Variants in SNRK observed in about 807,000 individuals in gnomAD.
SNRK encodes SNF related kinase.
Under a neutral mutation model 48.2 loss-of-function variants are expected in SNRK, and 3 were observed. That is an observed-to-expected ratio of 0.06 (90% CI 0.03 to 0.16). The LOEUF (loss-of-function observed/expected upper bound fraction) is 0.16. Ranked by LOEUF, SNRK falls within the 10% of genes least tolerant of loss-of-function variation. SNRK has a pLI of 1.00. For synonymous variants in SNRK, 376 were observed against 366.1 expected, an observed-to-expected ratio of 1.03 and a Z score of -0.31; for missense variants, 627 against 976.0, an observed-to-expected ratio of 0.64 and a Z score of 4.76.
chr3:43,347,427 T>TCTC lies in SNRK; in HGVS notation c.1171_1173dup (p.Pro391dup). 1 of 1,613,946 alleles carries TCTC rather than the reference T, an allele frequency of 6.2e-7. No individual in the cohort carries two copies. The highest frequency in any genetic ancestry group is 2.2e-5 in the East Asian group (1 of 44,872). ...TTTGTCCCACGCGACTGTCCCTCAG[T>TCTC]CTCCTGCTCGGGCTGCTGACAGTGT... is the stretch of plus-strand genomic sequence containing the variant. On this transcript the variant is annotated inframe_insertion, in exon 7 of 7. Transcript: ENST00000296088. The surrounding 1 kb of genome is among the most constrained non-coding windows in gnomAD (Gnocchi z 5.4).
chr3:43,339,764 C>A (rs1161074353), intron 4 of SNRK, among the ~76,000 whole-genome samples: 1 of 136,166 alleles, frequency 7.3e-6, no homozygotes, highest in East Asian at 2.3e-4. Flanking sequence ...TGCAGTGAGC[C>A]AAGGTTGCAC....
chr3:43,292,531 A>G (rs868515960), intron 1 of SNRK, among the ~76,000 whole-genome samples: 1 of 152,242 alleles, frequency 6.6e-6, no homozygotes, highest in South Asian at 2.1e-4. Context: ...ATGATGAGCC[A>G]GTAGGTATTC....
At chr3:43,331,992 T>C (rs922604997) in intron 3 of SNRK, among the ~76,000 whole-genome samples, 177 bp from the exon 4 acceptor site, 6 of 152,224 alleles carry the variant, frequency 3.9e-5, no homozygotes, top group Non-Finnish European at 8.8e-5. Context: ...TGTAAAAACA[T>C]TGAAGAAGAT....
intron 1 of SNRK, among the ~76,000 whole-genome samples, chr3:43,288,165 A>G (rs1008761999): frequency 1.3e-5 from 2 of 152,132 alleles, no homozygotes; most frequent in Non-Finnish European, 2.9e-5. Context: ...AGTCAGGTGC[A>G]CAGTGCTAAC....
chr3:43,310,154 A>C (rs1027388735), intron 3 of SNRK, among the ~76,000 whole-genome samples: 2 of 152,102 alleles, frequency 1.3e-5, no homozygotes, highest in South Asian at 4.1e-4. Flanking sequence ...TAATCTATGA[A>C]TCAGTCTTTG....
chr3:43,306,002 T>C (rs1475441969), intron 3 of SNRK, among the ~76,000 whole-genome samples: 5 of 152,138 alleles, frequency 3.3e-5, no homozygotes, highest in Non-Finnish European at 2.9e-5. Flanking sequence ...ATGTTCCTTT[T>C]TCTTCCCCCC....
intron 2 of SNRK, among the ~76,000 whole-genome samples, chr3:43,301,502 C>T (rs1005022553): frequency 1.1e-4 from 16 of 152,012 alleles, no homozygotes; most frequent in Non-Finnish European, 1.8e-4. Flanking sequence ...ACGGTGGCTC[C>T]AGCCTGTAAT....
chr3:43,300,426 A>C (rs964174030), intron 2 of SNRK, among the ~76,000 whole-genome samples: 1 of 152,184 alleles, frequency 6.6e-6, no homozygotes, highest in African/African-American at 2.4e-5. Flanking sequence ...GAACACATCT[A>C]AACTAAAATG....
intron 3 of SNRK, among the ~76,000 whole-genome samples, chr3:43,328,155 T>C (rs1419801355): frequency 1.3e-5 from 2 of 152,122 alleles, no homozygotes; most frequent in Non-Finnish European, 2.9e-5. Flanking sequence ...CATTAACATT[T>C]TTTGGAAATG....
At chr3:43,339,845 A>ATG (rs2091220821) in intron 4 of SNRK, among the ~76,000 whole-genome samples, 1 of 69,414 alleles carries the variant, frequency 1.4e-5, no homozygotes, top group Non-Finnish European at 2.6e-5. Flanking sequence ...ATATATATAT[A>ATG]TATATATATA....
rs780778461 is a variant in SNRK, at chr3:43,303,317, G to T, written c.114G>T (p.Thr38=). The T allele has an allele frequency of 1.2e-6, 2 of 1,614,008 alleles. No homozygotes were observed. Among genetic ancestry groups the T allele is most frequent in the Middle Eastern group, 1.6e-4 (1 of 6,084 alleles). The change falls in exon 3 of 7, where the codon ACG becomes ACT. Residue 38 remains threonine, a synonymous_variant. Transcript: ENST00000296088. This position sits in a 1 kb window ranked among gnomAD's most constrained non-coding sequence, Gnocchi z 6.2. ...TTAAACTTGCCAGGCATGTCTTTAC[G>T]GGTGAAAAGGTGGCAGTAAAAGTTA... ...AVVKLARHVF[T]GEKVAVKVID...
intron 1 of SNRK, among the ~76,000 whole-genome samples, chr3:43,290,495 C>T (rs2090802948): frequency 6.6e-6 from 1 of 152,214 alleles, no homozygotes; most frequent in Admixed American, 6.5e-5. Context: ...TGCTTAGCCT[C>T]CTGTGCATTG....
chr3:43,342,172 A>T (rs2091242797), intron 5 of SNRK, among the ~76,000 whole-genome samples: 1 of 152,248 alleles, frequency 6.6e-6, no homozygotes, highest in Admixed American at 6.5e-5. Flanking sequence ...AAATTCAATT[A>T]TAAATCCAAA....
Position 43,347,750 on chromosome 3 carries a change from T to C in SNRK, c.1491T>C (p.Asp497=), listed in dbSNP as rs188648899. 1.4e-5 allele frequency: 23 copies of C among 1,614,044 alleles called. No homozygotes were observed. The East Asian group carries it at 4.2e-4, about 30-fold the overall frequency. The change falls in exon 7 of 7, where the codon GAT becomes GAC. Residue 497 remains aspartate, a synonymous_variant. Transcript: ENST00000296088. This position sits in a 1 kb window ranked among gnomAD's most constrained non-coding sequence, Gnocchi z 5.4. ...TCTTTGAGGAAGGGGAATCTGACGA[T>C]GAGTTTGACATGGATGAGAATCTGC... The part of the protein sequence containing the change: ...NQIFEEGESD[D]EFDMDENLPP...
chr3:43,331,737 T>G (rs1278183588), intron 3 of SNRK, among the ~76,000 whole-genome samples: 1 of 152,168 alleles, frequency 6.6e-6, no homozygotes, highest in Non-Finnish European at 1.5e-5. Context: ...GTTACCTCAC[T>G]AGCGTTGAGG....
chr3:43,313,905 A>G (rs917934842), intron 3 of SNRK, among the ~76,000 whole-genome samples: 2 of 152,216 alleles, frequency 1.3e-5, no homozygotes, highest in African/African-American at 4.8e-5. Flanking sequence ...CTGGAAGGCA[A>G]GTATCCCAGT....
intron 1 of SNRK, among the ~76,000 whole-genome samples, chr3:43,298,540 G>T (rs745564409): frequency 1.3e-5 from 2 of 152,080 alleles, no homozygotes; most frequent in Non-Finnish European, 2.9e-5. Flanking sequence ...CATATCCAGA[G>T]GTCAACCACC....
At chr3:43,295,991 G>A (rs1259960267) in intron 1 of SNRK, among the ~76,000 whole-genome samples, 3 of 152,040 alleles carry the variant, frequency 2.0e-5, no homozygotes, top group African/African-American at 4.8e-5. Flanking sequence ...TATCCGCTTT[G>A]GCCTCCCAAA....
At chr3:43,294,184 G>A (rs759587456) in intron 1 of SNRK, among the ~76,000 whole-genome samples, 1 of 152,082 alleles carries the variant, frequency 6.6e-6, no homozygotes, top group Admixed American at 6.6e-5. Flanking sequence ...TTTGAGACAT[G>A]AATCTAGTAG....
Sources: allele counts gnomAD v4.1 joint callset (sites outside exome capture counted in the v4.1 genomes callset), GRCh38; gene constraint gnomAD v4.1.1; non-coding constraint Gnocchi (gnomAD v3.1); transcripts MANE v1.5; gene names NCBI Gene and HGNC (gene_info 2026-07-23, HGNC 2026-07-21).